Variants in NBEAL1 observed in about 807,000 individuals in gnomAD.
The protein encoded by NBEAL1 is neurobeachin like 1, also known as neurobeachin-like protein 1.
In NBEAL1, 273 loss-of-function variants were observed where a neutral mutation model predicts 351.3. The ratio of observed to expected loss-of-function variants is 0.78; its 90% CI spans 0.70 to 0.86. The LOEUF (loss-of-function observed/expected upper bound fraction) is 0.86, where lower values mean the gene tolerates loss of function less well. NBEAL1 is among the 40% of genes least tolerant of loss of function. The pLI is 0.00. For synonymous variants in NBEAL1, 1,050 were observed against 1,086.4 expected, an observed-to-expected ratio of 0.97 and a Z score of 0.66; for missense variants, 2,961 against 3,201.3, an observed-to-expected ratio of 0.92 and a Z score of 1.81.
In NBEAL1 at chr2:203,218,974, GTCTTT is replaced by G. The variant is rs754408859; in HGVS notation, c.*1625_*1629del. ...ATAGAACATATTTAAATGTCAAGGT[GTCTTT>G]TCTTAAGACTTCAGGAATTTGTATT... On this transcript the variant is annotated 3_prime_UTR_variant, in exon 56 of 56. Coordinates refer to ENST00000683969, the MANE Select transcript of NBEAL1 (RefSeq NM_001378026.1). 1.1e-4 allele frequency: 17 copies of G among 152,244 alleles called. No homozygotes were observed. In the East Asian group the frequency reaches 1.7e-3, roughly 16 times the overall value. 9.4% of individuals were successfully genotyped at this position (152,244 alleles called of 1,614,324 possible). A position where few individuals can be genotyped will look rare whatever the true frequency, so the allele number is the denominator to read the frequency against.
rs750046881 is a variant in NBEAL1 at position 203,167,227 on chromosome 2, G to A, written c.5864G>A (p.Gly1955Glu). The change falls in exon 38 of 56, where the codon GGA (glycine) becomes GAA (glutamate). Residue 1955 changes from glycine (G) to glutamate (E), a missense_variant and splice_region_variant. Coordinates refer to ENST00000683969, the MANE Select transcript of NBEAL1 (RefSeq NM_001378026.1). ...GTCACAAGATTTCTTCCGTTTTCAG[G>A]AGTAGGCTTTGATTTCAAGTGGCCT... ...FYDGSIEKED[G>E]VGFDFKWPHS... 6.2e-7 allele frequency: 1 copy of A among 1,608,492 alleles called. No individual in the cohort carries two copies. The highest frequency in any genetic ancestry group is 1.1e-5 in the South Asian group (1 of 89,732).
chr2:203,193,671 C>A, intron 46 of NBEAL1, 124 bp from the exon 47 acceptor site: 2 of 581,696 alleles, frequency 3.4e-6, no homozygotes, highest in Non-Finnish European at 6.0e-6. Context: ...GAGCCAACAC[C>A]TATAATTGTC....
At position 203,217,707 on chromosome 2, in the gene NBEAL1, T is replaced by C; in HGVS notation, c.*353T>C. The C allele has an allele frequency of 1.0e-6, 1 of 970,650 alleles. No individual in the cohort carries two copies. Among genetic ancestry groups the C allele is most frequent in the Non-Finnish European group, 1.2e-6 (1 of 815,530 alleles). 60.1% of individuals were successfully genotyped at this position (970,650 alleles called of 1,614,324 possible). On this transcript the variant is annotated 3_prime_UTR_variant, in exon 56 of 56. Transcript: ENST00000683969. Reference sequence around the variant, plus strand: ...ATGGGACAGTTGAGAGAGATGGCTTTAAATACATTCTTAAGTAATCATTTT... The same window carrying C: ...ATGGGACAGTTGAGAGAGATGGCTTCAAATACATTCTTAAGTAATCATTTT...
At chr2:203,209,840 C>A (rs1364636252) in intron 53 of NBEAL1, among the ~76,000 whole-genome samples, 1 of 151,764 alleles carries the variant, frequency 6.6e-6, no homozygotes, top group African/African-American at 2.4e-5. Flanking sequence ...CCTCAAACTC[C>A]TGGGCTTATG....
chr2:203,066,783 G>A (rs939562923), intron 6 of NBEAL1, among the ~76,000 whole-genome samples: 2 of 150,130 alleles, frequency 1.3e-5, no homozygotes, highest in African/African-American at 2.5e-5. Context: ...AGACGGGGCG[G>A]CCGGGCAGAG....
intron 36 of NBEAL1, among the ~76,000 whole-genome samples, chr2:203,161,623 C>T (rs1351229502): frequency 2.7e-5 from 4 of 145,606 alleles, no homozygotes; most frequent in South Asian, 2.2e-4. Flanking sequence ...AGCAAGACTC[C>T]GTCTCAAATA....
chr2:203,032,660 CT>C (rs747309074), intron 2 of NBEAL1, among the ~76,000 whole-genome samples: 25 of 70,168 alleles, frequency 3.6e-4, no homozygotes, highest in Middle Eastern at 0.016. Context: ...GAAATTGTAG[CT>C]TTTTTTTTTT....
rs1237527154 is a variant in NBEAL1 at position 203,107,940 on chromosome 2, T to C, written c.1701T>C (p.Asp567=). Residue 567 remains aspartate (D), a synonymous_variant, in exon 14 of 56, where the codon GAT becomes GAC. Coordinates refer to ENST00000683969, the MANE Select transcript of NBEAL1 (RefSeq NM_001378026.1). ...IRRLLRLLRV[D]ESESVHPYVT... ...GACTACTGAGATTGCTGAGAGTGGA[T>C]GAATCTGAGTCTGTTCACCCTTATG... is the stretch of plus-strand genomic sequence containing the variant. 6.4e-7 allele frequency: 1 copy of C among 1,553,952 alleles called. No homozygotes were observed. The highest frequency in any genetic ancestry group is 1.2e-5 in the South Asian group (1 of 84,252).
chr2:203,125,303 A>G, intron 19 of NBEAL1, 49 bp from the exon 20 acceptor site: 1 of 1,295,912 alleles, frequency 7.7e-7, no homozygotes, highest in African/African-American at 1.5e-5. Flanking sequence ...ATTAAATGAC[A>G]AAATTGTCCT....
intron 43 of NBEAL1, 35 bp downstream of exon 43, chr2:203,180,547 G>A (rs2105733758): frequency 6.4e-7 from 1 of 1,569,798 alleles, no homozygotes. Context: ...TGACTAGCAG[G>A]TCCCAATGGA....
intron 7 of NBEAL1, among the ~76,000 whole-genome samples, chr2:203,075,870 A>G (rs1035315497): frequency 3.9e-5 from 6 of 152,208 alleles, no homozygotes; most frequent in Admixed American, 3.3e-4. Flanking sequence ...AGTTGTTTAT[A>G]GCTGAAAGCC....
At chr2:203,183,175 GA>G in intron 43 of NBEAL1, 103 bp from the exon 44 acceptor site, 2 of 570,484 alleles carry the variant, frequency 3.5e-6, no homozygotes, top group Non-Finnish European at 6.1e-6. Context: ...AATTTTAAAA[GA>G]AAAAATATGT....
At chr2:203,201,444 T>A in intron 49 of NBEAL1, 99 bp from the exon 50 acceptor site, 1 of 1,002,784 alleles carries the variant, frequency 1.0e-6, no homozygotes, top group Non-Finnish European at 1.4e-6. Context: ...CATTTGGGAC[T>A]AATTTTTTAT....
At chr2:203,161,461 T>C (rs1441751445) in intron 36 of NBEAL1, among the ~76,000 whole-genome samples, 1 of 150,586 alleles carries the variant, frequency 6.6e-6, no homozygotes, top group Non-Finnish European at 1.5e-5. Context: ...AAACCCTGTC[T>C]CTACTAGAAA....
At chr2:203,081,175 A>G (rs1215949192) in intron 8 of NBEAL1, among the ~76,000 whole-genome samples, 1 of 152,346 alleles carries the variant, frequency 6.6e-6, no homozygotes, top group East Asian at 1.9e-4. Context: ...AATATATAAA[A>G]GCTAAAGAAT....
intron 6 of NBEAL1, among the ~76,000 whole-genome samples, chr2:203,058,317 C>T (rs1252234112): frequency 6.6e-6 from 1 of 152,098 alleles, no homozygotes; most frequent in Non-Finnish European, 1.5e-5. Flanking sequence ...AGACATGAAC[C>T]ACTGCACCCA....
At chr2:203,141,368 T>TATTA (rs1443650047) in intron 31 of NBEAL1, among the ~76,000 whole-genome samples, 12 of 29,840 alleles carry the variant, frequency 4.0e-4, no homozygotes, top group East Asian at 2.5e-3. Flanking sequence ...TTATTATTAT[T>TATTA]TTTTTTTTTT....
chr2:203,164,811 A>C (rs931203942), intron 36 of NBEAL1, among the ~76,000 whole-genome samples: 1 of 152,090 alleles, frequency 6.6e-6, no homozygotes, highest in Non-Finnish European at 1.5e-5. Context: ...TAGCTGGCTT[A>C]AAAGATTTAC....
intron 15 of NBEAL1, 79 bp from the exon 16 acceptor site, chr2:203,111,900 G>C: frequency 2.1e-6 from 3 of 1,428,580 alleles, no homozygotes; most frequent in Non-Finnish European, 2.8e-6. Flanking sequence ...ACAAATTATA[G>C]AGCAAACTTC....
Sources: allele counts gnomAD v4.1 joint callset (sites outside exome capture counted in the v4.1 genomes callset), GRCh38; gene constraint gnomAD v4.1.1; transcripts MANE v1.5; gene names NCBI Gene and HGNC (gene_info 2026-07-23, HGNC 2026-07-21).